The following FMR1NB variants were observed in gnomAD, a reference collection of about 807,000 sequenced individuals.
FMR1NB encodes the protein FMR1 neighbor protein.
In FMR1NB, 10 loss-of-function variants were observed where a neutral mutation model predicts 16.8. The ratio of observed to expected loss-of-function variants is 0.60; its 90% confidence interval spans 0.37 to 1.01. The LOEUF (loss-of-function observed/expected upper bound fraction) is 1.01. Ranked by LOEUF, FMR1NB falls within the 50% of genes least tolerant of loss-of-function variation. The pLI, the probability that FMR1NB is intolerant of heterozygous loss-of-function variation, is 0.01. For missense variants in FMR1NB, 205 were observed against 204.8 expected, an observed-to-expected ratio of 1.00 and a Z score of 0.00; for synonymous variants, 83 against 79.1, an observed-to-expected ratio of 1.05 and a Z score of -0.26.
intron 1 of FMR1NB, among the ~76,000 whole-genome samples, chrX:147,990,193 A>G (rs1452793195): frequency 9.0e-6 from 1 of 111,520 alleles, no homozygotes; most frequent in Non-Finnish European, 1.9e-5. Flanking sequence ...AAAGCATAGT[A>G]TCTGGGCCAG....
intron 1 of FMR1NB, among the ~76,000 whole-genome samples, chrX:147,994,625 G>T (rs1299999718): frequency 8.9e-6 from 1 of 111,831 alleles, no homozygotes; most frequent in Non-Finnish European, 1.9e-5. Context: ...CTTAGTCAGC[G>T]AGTTCTTCAT....
At chrX:147,988,050 G>A (rs782767096) in intron 1 of FMR1NB, among the ~76,000 whole-genome samples, 7 of 111,696 alleles carry the variant, frequency 6.3e-5, no homozygotes, top group Non-Finnish European at 1.1e-4. Context: ...ATTTGATCCT[G>A]TCATCATGAT....
At chrX:147,985,698 T>G (rs2044472685) in intron 1 of FMR1NB, among the ~76,000 whole-genome samples, 1 of 112,410 alleles carries the variant, frequency 8.9e-6, no homozygotes, top group Admixed American at 9.4e-5. Context: ...TGTGCCACAT[T>G]TTATTTATCC....
intron 1 of FMR1NB, among the ~76,000 whole-genome samples, chrX:147,997,211 T>G (rs1557188236): frequency 9.0e-6 from 1 of 111,568 alleles, no homozygotes; most frequent in Non-Finnish European, 1.9e-5. Flanking sequence ...CAAACTATAC[T>G]ACAAGGCTAT....
chrX:148,008,702 T>C lies in FMR1NB; in HGVS notation c.623T>C (p.Phe208Ser), dbSNP rs946238582. ...CTGCCCATTTATTGCCGCTCTCTTT[T>C]CTGGAGGAGGTAGGTGAACATAAAC... is the stretch of plus-strand genomic sequence containing the variant. ...VCLPIYCRSL[F>S]WRSEPADDLQ... The change falls in exon 4 of 6, where the codon TTC becomes TCC. Residue 208 changes from phenylalanine (F) to serine (S), a missense_variant. Phe to Ser is a radical substitution (Grantham distance 155). Transcript: ENST00000370467. 8.3e-7 allele frequency: 1 copy of C among 1,210,593 alleles called. No individual in the cohort carries two copies. The highest frequency in any genetic ancestry group is 1.1e-6 in the Non-Finnish European group (1 of 894,403).
intron 1 of FMR1NB, among the ~76,000 whole-genome samples, chrX:147,987,457 G>C (rs1557187193): frequency 9.0e-6 from 1 of 111,673 alleles, no homozygotes; most frequent in Admixed American, 9.5e-5. Context: ...GTTGGCTATG[G>C]GTTTGTCATA....
intron 2 of FMR1NB, 137 bp downstream of exon 2, chrX:148,003,457 C>A: frequency 1.6e-6 from 1 of 644,615 alleles, no homozygotes; most frequent in Non-Finnish European, 2.3e-6. Context: ...TGCTCTTTGG[C>A]TTAGGCAAGA....
At chrX:147,984,395 A>C (rs782459261) in intron 1 of FMR1NB, among the ~76,000 whole-genome samples, 29 of 112,226 alleles carry the variant, frequency 2.6e-4, no homozygotes, top group Non-Finnish European at 4.3e-4. Context: ...TTATTTCAGT[A>C]ATGTTTTGTA....
rs782543376 is a variant in FMR1NB at position 147,981,662 on chromosome X, CCTA to C, written c.265_267del (p.Tyr89del). The C allele has an allele frequency of 2.5e-6, 3 of 1,198,039 alleles. No homozygotes were observed. In the African/African-American group the frequency reaches 5.5e-5, roughly 22 times the overall value. On this transcript the variant is annotated inframe_deletion, in exon 1 of 6. Coordinates refer to ENST00000370467, the MANE Select transcript of FMR1NB (RefSeq NM_152578.3). ...CTGCTGTTCGTGTGCTACTACCTGT[CCTA>C]CTACCTGTGCTCCGGTGAGTGCTGG...
chrX:147,992,165 G>A (rs1460448057), intron 1 of FMR1NB, among the ~76,000 whole-genome samples: 2 of 109,456 alleles, frequency 1.8e-5, no homozygotes, highest in African/African-American at 6.7e-5. Context: ...TTCTCAATGA[G>A]CTGTTGGGCA....
intron 4 of FMR1NB, among the ~76,000 whole-genome samples, chrX:148,024,265 G>GA (rs781980830): frequency 1.3e-4 from 14 of 111,534 alleles, no homozygotes; most frequent in Non-Finnish European, 3.8e-5. Flanking sequence ...TGCAAAATAG[G>GA]AAACACACTA....
intron 4 of FMR1NB, among the ~76,000 whole-genome samples, chrX:148,015,875 G>A (rs1005914640): frequency 8.9e-5 from 10 of 111,964 alleles, no homozygotes; most frequent in African/African-American, 2.9e-4. Context: ...TTTCTGTCTG[G>A]AATATCTGTC....
chrX:148,004,190 T>C (rs1180353014), intron 2 of FMR1NB, among the ~76,000 whole-genome samples: 1 of 111,742 alleles, frequency 8.9e-6, no homozygotes, highest in Admixed American at 9.5e-5. Context: ...ATTGAGTAAA[T>C]AAAAAAGAAA....
Position 148,012,908 on chromosome X carries a change from G to T in FMR1NB, c.632+4197G>T, listed in dbSNP as rs541100691. ...GTAATGTTATTTTGAAAAGCTTTAT[G>T]CAGTAATTAGCGAACTACTGGAAAG... On this transcript the variant is annotated intron_variant, in intron 4 of 5. Transcript: ENST00000370467. Among the ~76,000 whole-genome samples the T allele has an allele frequency of 1.2e-4, 13 of 112,126 alleles. No homozygotes were observed. The South Asian group carries it at 4.1e-3, about 35-fold the overall frequency.
intron 1 of FMR1NB, 122 bp from the exon 2 acceptor site, chrX:148,003,079 G>A: frequency 1.4e-6 from 1 of 729,850 alleles, no homozygotes; most frequent in Non-Finnish European, 2.0e-6. Flanking sequence ...TGAGATGAAA[G>A]TATATCTGTT....
intron 4 of FMR1NB, among the ~76,000 whole-genome samples, chrX:148,011,859 G>A (rs1339343611): frequency 9.0e-6 from 1 of 111,608 alleles, no homozygotes. Context: ...CTTGACTTGA[G>A]TTCTAGTGTG....
intron 4 of FMR1NB, among the ~76,000 whole-genome samples, chrX:148,024,171 C>T (rs1037438168): frequency 3.6e-5 from 4 of 111,960 alleles, no homozygotes; most frequent in Non-Finnish European, 5.6e-5. Flanking sequence ...AACAGACCTA[C>T]GTTTAAATTC....
At chrX:147,992,368 C>G (rs371153151) in intron 1 of FMR1NB, among the ~76,000 whole-genome samples, 1 of 48,244 alleles carries the variant, frequency 2.1e-5, no homozygotes, top group Non-Finnish European at 3.8e-5. Context: ...CCGGACGGGG[C>G]GGCTGGCTGG....
intron 3 of FMR1NB, 97 bp downstream of exon 3, chrX:148,006,939 T>A: frequency 1.1e-6 from 1 of 908,656 alleles, no homozygotes; most frequent in Non-Finnish European, 1.5e-6. Context: ...GCTTAATACT[T>A]AAATGGGACT....
Sources: allele counts gnomAD v4.1 joint callset (sites outside exome capture counted in the v4.1 genomes callset), GRCh38; gene constraint gnomAD v4.1.1; transcripts MANE v1.5; gene names NCBI Gene and HGNC (gene_info 2026-07-23, HGNC 2026-07-21).